The following KIF11 variants were observed in gnomAD, a reference collection of about 807,000 sequenced individuals.
KIF11 encodes kinesin-like protein KIF11.
KIF11 carries 9 observed loss-of-function variants against 121.0 expected under a neutral mutation model. That is an observed-to-expected ratio of 0.07 (90% CI 0.04 to 0.13). KIF11 has a LOEUF of 0.13. KIF11 is among the 10% of genes least tolerant of loss of function. KIF11 has a pLI of 1.00. For missense variants in KIF11, 846 were observed against 1,217.5 expected (o/e 0.69, Z 4.54); for synonymous variants, 408 against 421.0 (o/e 0.97, Z 0.38).
rs896620401 is a variant in KIF11, at chr10:92,609,299, AGAGAGTGTGTGTGTGTGTGT to A, written c.574-84_574-65del. 22 of 715,208 alleles carry A rather than the reference AGAGAGTGTGTGTGTGTGTGT, an allele frequency of 3.1e-5. No individual in the cohort carries two copies. The African/African-American group carries it at 5.0e-4, about 16-fold the overall frequency. The allele number at this position is 715,208 out of a possible 1,614,324, so 44.3% of individuals were successfully genotyped here. On this transcript the variant is annotated intron_variant, in intron 5 of 21. Coordinates refer to ENST00000260731, the MANE Select transcript of KIF11 (RefSeq NM_004523.4). ...GAGAGAGAGAGAGAGAGAGAGAGAG[AGAGAGTGTGTGTGTGTGTGT>A]GTGTGTGTGTGTGTGTGTGTGTGTT... is the stretch of plus-strand genomic sequence containing the variant.
In KIF11 at chr10:92,593,394, T is replaced by C. The variant is rs1355197212; in HGVS notation, c.19T>C (p.Ser7Pro). Residue 7 changes from serine to proline, a missense_variant, in exon 1 of 22, where the codon TCG becomes CCG. Ser to Pro is a moderately conservative substitution (Grantham distance 74). Around this residue, in one of 5 missense-constraint regions of KIF11, gnomAD observed 140 missense variants for 193.5 expected, o/e 0.72. Coordinates refer to ENST00000260731, the MANE Select transcript of KIF11 (RefSeq NM_004523.4). ...GACCGTCATGGCGTCGCAGCCAAAT[T>C]CGTCTGCGAAGAAGAAAGAGGAGAA... is the stretch of plus-strand genomic sequence containing the variant. MASQPN[S>P]SAKKKEEKGK... 1 of 1,610,236 alleles carries C rather than the reference T, an allele frequency of 6.2e-7. No homozygotes were observed. Among genetic ancestry groups the C allele is most frequent in the Admixed American group, 1.7e-5 (1 of 59,206 alleles).
chr10:92,608,564 G>T (rs1384442947), intron 4 of KIF11, among the ~76,000 whole-genome samples: 1 of 151,798 alleles, frequency 6.6e-6, no homozygotes, highest in Non-Finnish European at 1.5e-5. Context: ...TCAGCCTCCT[G>T]AGTAGCTGGG....
chr10:92,646,689 C>T (rs185764417), intron 18 of KIF11, among the ~76,000 whole-genome samples: 2 of 152,140 alleles, frequency 1.3e-5, no homozygotes, highest in East Asian at 3.9e-4. Context: ...AGAATAATGG[C>T]CATAATGGAT....
At chr10:92,617,746 GT>G (rs200758925) in intron 9 of KIF11, among the ~76,000 whole-genome samples, 13 of 144,162 alleles carry the variant, frequency 9.0e-5, no homozygotes, top group Non-Finnish European at 7.6e-5. Context: ...TTTTGTTTTT[GT>G]TTTTTTTTTT....
intron 18 of KIF11, among the ~76,000 whole-genome samples, chr10:92,646,061 C>T (rs887902512): frequency 2.0e-5 from 3 of 151,528 alleles, no homozygotes; most frequent in Admixed American, 6.6e-5. Context: ...AAGCGATTCT[C>T]CTGCCTCAGC....
chr10:92,646,609 C>T (rs751429397), intron 18 of KIF11, among the ~76,000 whole-genome samples: 1 of 152,148 alleles, frequency 6.6e-6, no homozygotes, highest in Non-Finnish European at 1.5e-5. Flanking sequence ...TTAAAGATTT[C>T]TGAGGTTGTC....
intron 19 of KIF11, 125 bp downstream of exon 19, chr10:92,648,559 T>G: frequency 1.6e-6 from 1 of 607,580 alleles, no homozygotes; most frequent in Non-Finnish European, 2.9e-6. Context: ...CTCACTGTAA[T>G]CAACTCAAAA....
At chr10:92,619,742 TTGAG>T in intron 9 of KIF11, among the ~76,000 whole-genome samples, 1 of 151,874 alleles carries the variant, frequency 6.6e-6, no homozygotes, top group Non-Finnish European at 1.5e-5. Flanking sequence ...GCTAATGATG[TTGAG>T]TGTCTTTTTA....
In KIF11 at chr10:92,613,067, A is replaced by G; in HGVS notation, c.726A>G (p.Thr242=). Residue 242 remains threonine, a synonymous_variant, in exon 7 of 22, where the codon ACA becomes ACG. Coordinates refer to ENST00000260731, the MANE Select transcript of KIF11 (RefSeq NM_004523.4). This position sits in a 1 kb window ranked among gnomAD's most constrained non-coding sequence, Gnocchi z 4.2. ...GTTCCCACTCAGTTTTCTCTGTTAC[A>G]ATACATATGAAAGAAACTACGATTG... ...SSRSHSVFSV[T]IHMKETTIDG... 6.2e-7 allele frequency: 1 copy of G among 1,610,138 alleles called. No individual in the cohort carries two copies. Among genetic ancestry groups the G allele is most frequent in the Non-Finnish European group, 8.5e-7 (1 of 1,177,532 alleles).
Position 92,655,368 on chromosome 10 carries a change from T to C in KIF11, c.*1572T>C, listed in dbSNP as rs1845035463. 6.6e-6 allele frequency: 1 copy of C among 152,220 alleles called. No individual in the cohort carries two copies. The highest frequency in any genetic ancestry group is 1.9e-4 in the East Asian group (1 of 5,200). The allele number at this position is 152,220 out of a possible 1,614,324, so 9.4% of individuals were successfully genotyped here. On this transcript the variant is annotated 3_prime_UTR_variant, in exon 22 of 22. Coordinates refer to ENST00000260731, the MANE Select transcript of KIF11 (RefSeq NM_004523.4). The stretch of plus-strand genomic sequence containing the variant: ...TAATAAACTGCCCTCAGTAAATCCA[T>C]GGTTAATAAATGTGGTTTCTACATT...
chr10:92,650,147 T>C (rs545320531), intron 20 of KIF11, among the ~76,000 whole-genome samples, 161 bp downstream of exon 20: 1 of 152,330 alleles, frequency 6.6e-6, no homozygotes, highest in African/African-American at 2.4e-5. Context: ...CTTACTAGTT[T>C]TTAAATTATG....
At chr10:92,644,012 A>G (rs949274325) in intron 17 of KIF11, among the ~76,000 whole-genome samples, 3 of 152,268 alleles carry the variant, frequency 2.0e-5, no homozygotes, top group South Asian at 4.1e-4. Flanking sequence ...TTTTATTCCT[A>G]GTATCTAGAC....
chr10:92,628,699 A>G, intron 10 of KIF11, 109 bp from the exon 11 acceptor site: 1 of 563,442 alleles, frequency 1.8e-6, no homozygotes, highest in South Asian at 2.7e-5. Context: ...AGTGATGGTG[A>G]TAAATGTTGG....
intron 6 of KIF11, among the ~76,000 whole-genome samples, chr10:92,611,788 A>G (rs1177961278): frequency 1.3e-5 from 2 of 152,012 alleles, no homozygotes; most frequent in African/African-American, 4.8e-5. Flanking sequence ...AATCCCAGAT[A>G]CTCGGTAGGC....
intron 18 of KIF11, among the ~76,000 whole-genome samples, chr10:92,646,054 C>T (rs537231083): frequency 1.4e-3 from 206 of 150,960 alleles, no homozygotes; most frequent in Non-Finnish European, 2.3e-3. Context: ...CAAGTTCAAG[C>T]GATTCTCCTG....
intron 21 of KIF11, among the ~76,000 whole-genome samples, chr10:92,651,093 C>G (rs901726502): frequency 7.2e-5 from 11 of 152,048 alleles, no homozygotes; most frequent in African/African-American, 2.7e-4. Flanking sequence ...GTGGCACGAT[C>G]TTGGCTCACT....
Position 92,609,249 on chromosome 10 carries a change from G to A in KIF11, c.573+44G>A, listed in dbSNP as rs752101184. 4.0e-6 allele frequency: 6 copies of A among 1,502,412 alleles called. No homozygotes were observed. The East Asian group carries it at 1.4e-4, about 35-fold the overall frequency. The allele number at this position is 1,502,412 out of a possible 1,614,324, so 93.1% of individuals were successfully genotyped here. A position where few individuals can be genotyped will look rare whatever the true frequency, so the allele number is the denominator to read the frequency against. On this transcript the variant is annotated intron_variant, in intron 5 of 21. Transcript: ENST00000260731. ...ATGAAATGTCTCTGAATTTTAATGT[G>A]TGAGGCTTTGAGAAGTCAGAGAGAG...
intron 13 of KIF11, 127 bp from the exon 14 acceptor site, chr10:92,633,496 T>C: frequency 1.5e-6 from 1 of 660,954 alleles, no homozygotes; most frequent in Non-Finnish European, 2.6e-6. Flanking sequence ...GTGAGCCAGT[T>C]CTTTTAAGCT....
At chr10:92,625,022 G>A (rs1333035942) in intron 10 of KIF11, among the ~76,000 whole-genome samples, 1 of 151,534 alleles carries the variant, frequency 6.6e-6, no homozygotes, top group Non-Finnish European at 1.5e-5. Flanking sequence ...TGCCCACCTC[G>A]GCCTCCCAAA....
Sources: gnomAD v4.1 joint callset for allele counts (sites outside exome capture counted in the v4.1 genomes callset) on GRCh38, gnomAD v4.1.1 for gene constraint, gnomAD v4.1.1 regional missense constraint, Gnocchi (gnomAD v3.1) non-coding constraint, MANE v1.5 for transcripts, NCBI Gene and HGNC (gene_info 2026-07-23, HGNC 2026-07-21) for gene names.